Variants in PDZRN4 observed in about 807,000 individuals in gnomAD.
PDZRN4 encodes the protein PDZ domain-containing RING finger protein 4.
In PDZRN4, 70 loss-of-function variants were observed where a neutral mutation model predicts 99.0. The ratio of observed to expected loss-of-function variants is 0.71; its 90% confidence interval spans 0.58 to 0.86. PDZRN4 has a LOEUF of 0.86. Among genes scored for constraint, PDZRN4 ranks in the 40% least tolerant of loss-of-function variants. PDZRN4 has a pLI of 0.00. For synonymous variants in PDZRN4, 551 were observed against 501.6 expected, an observed-to-expected ratio of 1.10 and a Z score of -1.32; for missense variants, 1,474 against 1,331.2, an observed-to-expected ratio of 1.11 and a Z score of -1.67.
At chr12:41,203,509 T>G (rs1223859542) in intron 3 of PDZRN4, among the ~76,000 whole-genome samples, 1 of 151,916 alleles carries the variant, frequency 6.6e-6, no homozygotes, top group African/African-American at 2.4e-5. Flanking sequence ...CCTGAAAAAA[T>G]TGTAGCTAAT....
At chr12:41,536,626 T>A (rs750640367) in intron 5 of PDZRN4, among the ~76,000 whole-genome samples, 3 of 152,156 alleles carry the variant, frequency 2.0e-5, no homozygotes, top group Non-Finnish European at 4.4e-5. Flanking sequence ...ATTACAAATA[T>A]GCTACTCTGG....
intron 3 of PDZRN4, among the ~76,000 whole-genome samples, chr12:41,307,649 A>G (rs1158683303): frequency 6.6e-6 from 1 of 151,170 alleles, no homozygotes; most frequent in East Asian, 1.9e-4. Context: ...TTTGTATTAT[A>G]CTACAGCAGC....
intron 3 of PDZRN4, among the ~76,000 whole-genome samples, chr12:41,207,525 C>T (rs923936080): frequency 6.6e-6 from 1 of 151,626 alleles, no homozygotes; most frequent in Admixed American, 6.6e-5. Flanking sequence ...AATTGTCTTA[C>T]TGTAATTCAT....
At chr12:41,487,889 G>A (rs1368072219) in intron 3 of PDZRN4, among the ~76,000 whole-genome samples, 3 of 152,124 alleles carry the variant, frequency 2.0e-5, no homozygotes, top group African/African-American at 7.2e-5. Flanking sequence ...TCTTCATTCG[G>A]TAAACATAGT....
chr12:41,437,243 AC>A (rs148729936), intron 3 of PDZRN4, among the ~76,000 whole-genome samples: 3 of 151,286 alleles, frequency 2.0e-5, no homozygotes, highest in Non-Finnish European at 2.9e-5. Flanking sequence ...TTTCCATGTC[AC>A]CCCCCCAAAT....
At chr12:41,490,809 A>G (rs1272874981) in intron 3 of PDZRN4, among the ~76,000 whole-genome samples, 6 of 152,042 alleles carry the variant, frequency 3.9e-5, no homozygotes, top group African/African-American at 7.2e-5. Context: ...AACTTCTACT[A>G]TGCAATTCTC....
At chr12:41,454,936 A>C (rs1952805760) in intron 3 of PDZRN4, among the ~76,000 whole-genome samples, 2 of 152,352 alleles carry the variant, frequency 1.3e-5, no homozygotes, top group South Asian at 2.1e-4. Context: ...GAACAGTTGA[A>C]GTATGGCTGG....
chr12:41,519,598 T>C (rs935386575), intron 5 of PDZRN4, among the ~76,000 whole-genome samples: 37 of 151,506 alleles, frequency 2.4e-4, no homozygotes, highest in African/African-American at 8.8e-4. Flanking sequence ...AATTCTTCAG[T>C]GATTTTTTTT....
intron 7 of PDZRN4, among the ~76,000 whole-genome samples, chr12:41,560,866 T>A (rs1217888541): frequency 5.3e-5 from 8 of 152,212 alleles, no homozygotes. Flanking sequence ...GTAAAACTAA[T>A]GTCCTGAGTA....
At chr12:41,569,644 A>T (rs10880100) in intron 9 of PDZRN4, among the ~76,000 whole-genome samples, 1 of 152,048 alleles carries the variant, frequency 6.6e-6, no homozygotes, top group Admixed American at 6.6e-5. Context: ...ACATTCTATC[A>T]CTTTACCATG....
At chr12:41,376,247 G>T (rs1319002540) in intron 3 of PDZRN4, among the ~76,000 whole-genome samples, 1 of 152,076 alleles carries the variant, frequency 6.6e-6, no homozygotes, top group Non-Finnish European at 1.5e-5. Context: ...ATACCCAGAA[G>T]CAAGATTGAT....
chr12:41,460,132 A>ATGTT (rs1286306707), intron 3 of PDZRN4: 1 of 1,205,302 alleles, frequency 8.3e-7, no homozygotes, highest in Non-Finnish European at 1.1e-6. Flanking sequence ...TGCCTACCAC[A>ATGTT]TGTTTTTACT....
At chr12:41,274,590 C>T (rs1044627420) in intron 3 of PDZRN4, among the ~76,000 whole-genome samples, 15 of 152,152 alleles carry the variant, frequency 9.9e-5, no homozygotes, top group African/African-American at 3.6e-4. Context: ...GTCTATGTAA[C>T]ATTGACATTA....
intron 3 of PDZRN4, among the ~76,000 whole-genome samples, chr12:41,500,370 G>A (rs1011919417): frequency 6.6e-5 from 10 of 151,870 alleles, no homozygotes; most frequent in African/African-American, 1.5e-4. Flanking sequence ...GAAGCCCCAG[G>A]ATCACTTTAG....
intron 3 of PDZRN4, among the ~76,000 whole-genome samples, chr12:41,262,005 A>AATGG (rs1276353999): frequency 2.7e-4 from 41 of 152,268 alleles, no homozygotes; most frequent in African/African-American, 9.9e-4. Flanking sequence ...AGATGGGCTC[A>AATGG]CTGGCTCCCC....
At chr12:41,548,872 G>C (rs1359963052) in intron 5 of PDZRN4, among the ~76,000 whole-genome samples, 2 of 152,236 alleles carry the variant, frequency 1.3e-5, no homozygotes, top group African/African-American at 4.8e-5. Flanking sequence ...TGATTAGAAA[G>C]ATGTTTCACA....
intron 3 of PDZRN4, among the ~76,000 whole-genome samples, chr12:41,310,753 A>T (rs1394616954): frequency 6.6e-6 from 1 of 152,226 alleles, no homozygotes; most frequent in Non-Finnish European, 1.5e-5. Context: ...CCATGTTGTA[A>T]TATTTTATTC....
At chr12:41,538,585 C>T (rs1938790554) in intron 5 of PDZRN4, among the ~76,000 whole-genome samples, 1 of 151,950 alleles carries the variant, frequency 6.6e-6, no homozygotes, top group Admixed American at 6.6e-5. Context: ...CAGATTAATC[C>T]ATTAACAACA....
intron 3 of PDZRN4, among the ~76,000 whole-genome samples, chr12:41,265,188 G>A (rs1014030225): frequency 4.6e-5 from 7 of 152,082 alleles, no homozygotes; most frequent in Non-Finnish European, 1.0e-4. Context: ...AAAATTTAGA[G>A]ATCTACATGT....
Sources: allele counts gnomAD v4.1 joint callset (sites outside exome capture counted in the v4.1 genomes callset), GRCh38; gene constraint gnomAD v4.1.1; transcripts MANE v1.5; gene names NCBI Gene and HGNC (gene_info 2026-07-23, HGNC 2026-07-21).